The following PRSS36 variants were observed in gnomAD, a reference collection of about 807,000 sequenced individuals.
The protein encoded by PRSS36 is serine protease 36.
PRSS36 carries 90 observed loss-of-function variants against 94.3 expected under a neutral mutation model. That is an observed-to-expected ratio of 0.95 (90% CI 0.80 to 1.14). The LOEUF (loss-of-function observed/expected upper bound fraction) is 1.14. Ranked by LOEUF, PRSS36 falls within the 50% of genes most tolerant of loss-of-function variation. PRSS36 has a pLI of 0.00. For synonymous variants in PRSS36, 500 were observed against 489.6 expected, an observed-to-expected ratio of 1.02 and a Z score of -0.28; for missense variants, 1,158 against 1,135.0, an observed-to-expected ratio of 1.02 and a Z score of -0.29.
At chr16:31,147,599 C>T (rs1419437258) in intron 5 of PRSS36, among the ~76,000 whole-genome samples, 2 of 152,134 alleles carry the variant, frequency 1.3e-5, no homozygotes, top group African/African-American at 4.8e-5. Context: ...ATAATGCGTG[C>T]TTATTTATTG....
Position 31,139,176 on chromosome 16 carries a change from A to G in PRSS36, c.2530T>C (p.Tyr844His). The G allele has an allele frequency of 6.3e-7, 1 of 1,595,966 alleles. No individual in the cohort carries two copies. Among genetic ancestry groups the G allele is most frequent in the South Asian group, 1.1e-5 (1 of 89,024 alleles). Residue 844 changes from tyrosine to histidine, a missense_variant, in exon 15 of 15, where the codon TAC becomes CAC. Transcript: ENST00000268281. ...AKASGSPHAV[Y>H]FLLLLTLLIQ... ...AGGAGAGTCAGCAGGAGCAGGAAGT[A>G]GACTGCATGCGGGGATCCCGAGGCC...
At chr16:31,146,657 T>C (rs1596858561) in intron 5 of PRSS36, among the ~76,000 whole-genome samples, 2 of 152,140 alleles carry the variant, frequency 1.3e-5, no homozygotes, top group East Asian at 3.9e-4. Context: ...TGGGGGGAAG[T>C]ACAGACAGAA....
chr16:31,142,218 C>T (rs1430238799), intron 10 of PRSS36, among the ~76,000 whole-genome samples: 3 of 152,226 alleles, frequency 2.0e-5, no homozygotes, highest in Non-Finnish European at 4.4e-5. Context: ...TCTCTAGGGG[C>T]AGGCCCCACC....
chr16:31,139,911 T>C (rs1352639865), intron 14 of PRSS36, among the ~76,000 whole-genome samples: 5 of 124,374 alleles, frequency 4.0e-5, no homozygotes, highest in Middle Eastern at 0.015. Context: ...AAAAAATTCC[T>C]TGGCCGGGCG....
Position 31,140,562 on chromosome 16 carries a change from A to T in PRSS36, c.2097T>A (p.Cys699Ter). The T allele has an allele frequency of 1.9e-6, 3 of 1,593,280 alleles. No homozygotes were observed. The highest frequency in any genetic ancestry group is 2.6e-6 in the Non-Finnish European group (3 of 1,169,622). ...CCGGGGGGATACCCGCCGGGTGGAG[A>T]CAGATGGGCAGGGCTGATGGGGAGG... ...VEPSPSALPI[C>*]LHPAGIPPGA... Residue 699 changes from cysteine to a stop codon, truncating the protein, a stop_gained, in exon 13 of 15, where the codon TGT becomes TGA. Coordinates refer to ENST00000268281, the MANE Select transcript of PRSS36 (RefSeq NM_173502.5). LOFTEE classifies it high-confidence loss of function.
intron 2 of PRSS36, 25 bp from the exon 3 acceptor site, chr16:31,149,523 G>A (rs2057863314): frequency 6.2e-7 from 1 of 1,613,924 alleles, no homozygotes; most frequent in Admixed American, 1.7e-5. Context: ...GGAAAGAGAG[G>A]AGGACACTTG....
rs964560739 is a variant in PRSS36, at chr16:31,142,876, G to T, written c.1218C>A (p.Asp406Glu). The T allele has an allele frequency of 6.4e-7, 1 of 1,560,726 alleles. No homozygotes were observed. The highest frequency in any genetic ancestry group is 2.5e-5 in the East Asian group (1 of 39,540). Residue 406 changes from aspartate to glutamate, a missense_variant, in exon 9 of 15, where the codon GAC (aspartate) becomes GAA (glutamate). Transcript: ENST00000268281. ...RLVQHENASW[D>E]NASDLALLQL... Reference sequence around the variant, plus strand: ...GCAGCAGCGCCAGGTCCGAGGCGTTGTCCCACGAAGCGTTCTCGTGCTGCA... The same window carrying T: ...GCAGCAGCGCCAGGTCCGAGGCGTTTTCCCACGAAGCGTTCTCGTGCTGCA...
intron 12 of PRSS36, 51 bp downstream of exon 12, chr16:31,141,418 C>G (rs2057686230): frequency 2.6e-6 from 4 of 1,530,030 alleles, no homozygotes; most frequent in Non-Finnish European, 3.5e-6. Context: ...GTCTTTGGCT[C>G]TGTTCCATTC....
chr16:31,147,615 G>C (rs1482503504), intron 5 of PRSS36, among the ~76,000 whole-genome samples: 1 of 152,120 alleles, frequency 6.6e-6, no homozygotes, highest in East Asian at 1.9e-4. Context: ...TATTGAATTT[G>C]TTGCTTGTCT....
chr16:31,145,682 C>A, intron 6 of PRSS36, 107 bp downstream of exon 6: 1 of 1,128,396 alleles, frequency 8.9e-7, no homozygotes, highest in East Asian at 2.5e-5. Context: ...CATCCCTTGG[C>A]AATCTTGCCC....
intron 10 of PRSS36, among the ~76,000 whole-genome samples, chr16:31,142,209 C>A (rs2057706718): frequency 6.6e-6 from 1 of 152,220 alleles, no homozygotes; most frequent in Non-Finnish European, 1.5e-5. Flanking sequence ...CCCAAAAGTT[C>A]TCTAGGGGCA....
Position 31,141,470 on chromosome 16 carries a change from T to A in PRSS36, c.1900A>T (p.Arg634Trp), listed in dbSNP as rs1296384030. ...GCCTAGGAGACGAGTGAGACCCACC[T>A]GAGGACACAGTGAGTGGCTGCCAGG... ...WVLAATHCVL[R>W]PGSTTVPYIE... Residue 634 changes from arginine (R) to tryptophan (W), a missense_variant and splice_region_variant, in exon 12 of 15, where the codon AGG becomes TGG. Physicochemically the swap from Arg to Trp is moderately radical, Grantham distance 101. Transcript: ENST00000268281. The A allele has an allele frequency of 6.2e-7, 1 of 1,610,472 alleles. No individual in the cohort carries two copies. Among genetic ancestry groups the A allele is most frequent in the Non-Finnish European group, 8.5e-7 (1 of 1,178,924 alleles).
intron 6 of PRSS36, among the ~76,000 whole-genome samples, chr16:31,145,436 A>C (rs543071168): frequency 7.2e-5 from 11 of 151,790 alleles, no homozygotes; most frequent in South Asian, 6.2e-4. Context: ...TAAATAAATA[A>C]ATACATAAAT....
At chr16:31,146,560 TA>T (rs1027774915) in intron 5 of PRSS36, among the ~76,000 whole-genome samples, 20 of 151,892 alleles carry the variant, frequency 1.3e-4, no homozygotes, top group Non-Finnish European at 2.9e-4. Flanking sequence ...CCAAGAAAAA[TA>T]AACGGATCAC....
At chr16:31,145,707 A>T in intron 6 of PRSS36, 82 bp downstream of exon 6, 1 of 1,351,208 alleles carries the variant, frequency 7.4e-7, no homozygotes, top group East Asian at 2.5e-5. Flanking sequence ...TTTGCAGATG[A>T]GGCTTGGAGA....
chr16:31,150,045 G>A lies in PRSS36; in HGVS notation c.-10C>T, dbSNP rs754663241. The A allele has an allele frequency of 2.5e-6, 4 of 1,613,652 alleles. No individual in the cohort carries two copies. The South Asian group carries it at 3.3e-5, about 13-fold the overall frequency. ...GCAGGTGCCGGGCCATGGCGCTAGA[G>A]TCAGCGGAGGCAGAGCCAAGTGAAG... is the stretch of plus-strand genomic sequence containing the variant. On this transcript the variant is annotated 5_prime_UTR_variant, in exon 1 of 15. Transcript: ENST00000268281.
At chr16:31,147,557 G>A (rs1234647773) in intron 5 of PRSS36, among the ~76,000 whole-genome samples, 1 of 152,174 alleles carries the variant, frequency 6.6e-6, no homozygotes, top group Non-Finnish European at 1.5e-5. Flanking sequence ...GATGGGGATG[G>A]AGATTTGGTC....
intron 10 of PRSS36, 120 bp downstream of exon 10, chr16:31,142,361 C>A (rs1596845416): frequency 8.4e-7 from 1 of 1,189,328 alleles, no homozygotes; most frequent in African/African-American, 1.6e-5. Context: ...CACTCGGACC[C>A]GCCTTCCGCA....
intron 4 of PRSS36, 174 bp from the exon 5 acceptor site, chr16:31,148,849 T>C (rs1446703225): frequency 2.0e-6 from 2 of 993,412 alleles, no homozygotes; most frequent in African/African-American, 1.6e-5. Context: ...GGGGGGGTCA[T>C]TGGAAAGATG....
Sources: allele counts gnomAD v4.1 joint callset (sites outside exome capture counted in the v4.1 genomes callset), GRCh38; gene constraint gnomAD v4.1.1; transcripts MANE v1.5; gene names NCBI Gene and HGNC (gene_info 2026-07-23, HGNC 2026-07-21).